MARK1: variants seen among roughly 807,000 people sequenced by gnomAD.
The protein encoded by MARK1 is microtubule affinity regulating kinase 1, also known as serine/threonine-protein kinase MARK1.
In MARK1, 40 loss-of-function variants were observed where a neutral mutation model predicts 96.3. The ratio of observed to expected loss-of-function variants is 0.42; its 90% CI spans 0.32 to 0.54. MARK1 has a LOEUF of 0.54. Ranked by LOEUF, MARK1 falls within the 20% of genes least tolerant of loss-of-function variation. The probability of loss-of-function intolerance (pLI) is 0.16; values close to 1 mark genes in which losing one functional copy is unlikely to be tolerated. For missense variants in MARK1, 719 were observed against 984.6 expected, an observed-to-expected ratio of 0.73 and a Z score of 3.61; for synonymous variants, 317 against 341.2, an observed-to-expected ratio of 0.93 and a Z score of 0.78.
At chr1:220,568,926 G>A (rs530812042) in intron 1 of MARK1, among the ~76,000 whole-genome samples, 20 of 152,088 alleles carry the variant, frequency 1.3e-4, no homozygotes, top group Non-Finnish European at 2.1e-4. Context: ...ATTACTAGAA[G>A]TAAAATTTCT....
chr1:220,658,293 AT>A (rs1235949682), intron 17 of MARK1, among the ~76,000 whole-genome samples: 3 of 151,966 alleles, frequency 2.0e-5, no homozygotes, highest in African/African-American at 7.3e-5. Flanking sequence ...ACTTTTGGGG[AT>A]TTCTTTTTTT....
intron 1 of MARK1, among the ~76,000 whole-genome samples, chr1:220,559,880 G>A (rs985005678): frequency 9.7e-6 from 1 of 103,064 alleles, no homozygotes; most frequent in Non-Finnish European, 2.1e-5. Context: ...GAAGAGTAAA[G>A]TGAGTGTACA....
chr1:220,570,702 A>G (rs748271423), intron 1 of MARK1, among the ~76,000 whole-genome samples: 16 of 152,172 alleles, frequency 1.1e-4, no homozygotes, highest in Admixed American at 6.5e-4. Context: ...TTGGATCTCT[A>G]TTAATACACT....
chr1:220,655,813 T>G (rs1399991923), intron 16 of MARK1, among the ~76,000 whole-genome samples: 1 of 152,214 alleles, frequency 6.6e-6, no homozygotes, highest in Non-Finnish European at 1.5e-5. Context: ...AATACAATTC[T>G]GTGCCCTCAC....
chr1:220,528,428 G>C lies in MARK1; in HGVS notation c.-395G>C, dbSNP rs926746724. ...CTGACGCCCAGGCGCTCGCCAGGAC[G>C]AGCCAGGCAGTGATTTGAGGCACCG... On this transcript the variant is annotated 5_prime_UTR_variant, in exon 1 of 18. Coordinates refer to ENST00000366917, the MANE Select transcript of MARK1 (RefSeq NM_018650.5). 5.3e-6 allele frequency: 1 copy of C among 188,734 alleles called. No individual in the cohort carries two copies. Among genetic ancestry groups the C allele is most frequent in the African/African-American group, 2.3e-5 (1 of 42,790 alleles). The allele number at this position is 188,734 out of a possible 1,614,324, so 11.7% of individuals were successfully genotyped here.
intron 1 of MARK1, among the ~76,000 whole-genome samples, chr1:220,557,687 A>C (rs904034215): frequency 6.6e-6 from 1 of 152,218 alleles, no homozygotes. Context: ...TAGAGGAAAG[A>C]AGTTGGATAC....
intron 1 of MARK1, among the ~76,000 whole-genome samples, chr1:220,544,620 C>T (rs1371666111): frequency 6.6e-6 from 1 of 152,146 alleles, no homozygotes; most frequent in African/African-American, 2.4e-5. Context: ...TCTGTTATAG[C>T]AACGGAAAAG....
chr1:220,601,298 CTTT>C (rs5781182), intron 5 of MARK1, among the ~76,000 whole-genome samples: 1 of 134,728 alleles, frequency 7.4e-6, no homozygotes. Flanking sequence ...ATATTTTAGT[CTTT>C]TTTTTTTTTT....
At chr1:220,582,845 A>ATG (rs1310441514) in intron 3 of MARK1, among the ~76,000 whole-genome samples, 8 of 152,216 alleles carry the variant, frequency 5.3e-5, no homozygotes, top group African/African-American at 1.9e-4. Context: ...TAAAAATGAT[A>ATG]CAATTTTGTT....
rs772559638 is a variant in MARK1, at chr1:220,588,268, G to A, written c.309+7150G>A. ...ATACCCAAAGCTGTGCAGGATCTTAGGAGAGATTCAAGTAATGTGAAATTG... is the reference window on the plus strand; with the variant it reads ...ATACCCAAAGCTGTGCAGGATCTTAAGAGAGATTCAAGTAATGTGAAATTG... On this transcript the variant is annotated intron_variant, in intron 3 of 17. Transcript: ENST00000366917. Among the ~76,000 whole-genome samples, 16 of 152,098 alleles carry A rather than the reference G, an allele frequency of 1.1e-4. 1 individual carries two copies. The highest frequency in any genetic ancestry group is 4.1e-4 in the South Asian group (2 of 4,832).
chr1:220,658,079 TA>T, intron 17 of MARK1, among the ~76,000 whole-genome samples: 1 of 152,356 alleles, frequency 6.6e-6, no homozygotes. Context: ...TTCTGTTCTA[TA>T]AAGTATGTCA....
chr1:220,567,323 A>G (rs2102797186), intron 1 of MARK1, among the ~76,000 whole-genome samples: 1 of 152,226 alleles, frequency 6.6e-6, no homozygotes, highest in East Asian at 1.9e-4. Flanking sequence ...TTTCACATTC[A>G]TATGTGTGGG....
intron 1 of MARK1, among the ~76,000 whole-genome samples, chr1:220,577,922 C>G (rs1214150829): frequency 2.0e-5 from 3 of 151,880 alleles, no homozygotes; most frequent in Non-Finnish European, 4.4e-5. Flanking sequence ...TGTATAAGAC[C>G]CAGCAAAAAC....
chr1:220,650,686 C>T lies in MARK1; in HGVS notation c.1537C>T (p.Arg513Ter). The change falls in exon 14 of 18, where the codon CGA (arginine) becomes TGA (stop). Residue 513 changes from arginine to a stop codon, truncating the protein, a stop_gained. Transcript: ENST00000366917. LOFTEE classifies it high-confidence loss of function. ...NTYVCERTTD[R>*]YVALQNGKDS... ...ATATGTCTGTGAAAGGACCACAGAT[C>T]GATACGTAGCATTGCAGAATGGAAA... 6.2e-7 allele frequency: 1 copy of T among 1,613,490 alleles called. No individual in the cohort carries two copies. The highest frequency in any genetic ancestry group is 8.5e-7 in the Non-Finnish European group (1 of 1,179,576).
chr1:220,607,749 C>T (rs1159100426), intron 6 of MARK1, among the ~76,000 whole-genome samples: 7 of 152,030 alleles, frequency 4.6e-5, no homozygotes, highest in Non-Finnish European at 1.0e-4. Flanking sequence ...CCTGGTTTAT[C>T]GAGAGTTTTT....
chr1:220,577,304 G>C (rs554413923), intron 1 of MARK1, among the ~76,000 whole-genome samples: 31 of 152,198 alleles, frequency 2.0e-4, no homozygotes, highest in African/African-American at 7.2e-4. Context: ...GAAGGCTGGA[G>C]AAGTCAGCAT....
chr1:220,608,986 G>A (rs1013000862), intron 6 of MARK1, among the ~76,000 whole-genome samples: 2 of 152,072 alleles, frequency 1.3e-5, no homozygotes, highest in Admixed American at 6.6e-5. Flanking sequence ...GTATGTGGAC[G>A]GTTTTGGAAT....
Position 220,618,257 on chromosome 1 carries a change from T to C in MARK1, c.553-53T>C. ...GGAAGCTAAAACTCTTTTACAAATA[T>C]TTTTATTTTATGTAGGCTTTTTACA... On this transcript the variant is annotated intron_variant, in intron 7 of 17. Coordinates refer to ENST00000366917, the MANE Select transcript of MARK1 (RefSeq NM_018650.5). This position sits in a 1 kb window ranked among gnomAD's most constrained non-coding sequence, Gnocchi z 4.6. 1 of 1,154,752 alleles carries C rather than the reference T, an allele frequency of 8.7e-7. No homozygotes were observed. The highest frequency in any genetic ancestry group is 1.3e-6 in the Non-Finnish European group (1 of 784,708). 71.5% of individuals were successfully genotyped at this position (1,154,752 alleles called of 1,614,324 possible).
At chr1:220,549,036 C>G (rs1661689487) in intron 1 of MARK1, among the ~76,000 whole-genome samples, 1 of 152,144 alleles carries the variant, frequency 6.6e-6, no homozygotes. Flanking sequence ...AATACAGGCT[C>G]AGCCACTCCC....
Sources: allele counts gnomAD v4.1 joint callset (sites outside exome capture counted in the v4.1 genomes callset), GRCh38; gene constraint gnomAD v4.1.1; non-coding constraint Gnocchi (gnomAD v3.1); transcripts MANE v1.5; gene names NCBI Gene and HGNC (gene_info 2026-07-23, HGNC 2026-07-21).